The following ODF4 variants were observed in gnomAD, a reference collection of about 807,000 sequenced individuals.
ODF4 encodes outer dense fiber of sperm tails 4.
A neutral mutation model predicts 17.0 loss-of-function variants in ODF4; 11 were observed. That is an observed-to-expected ratio of 0.65 (90% confidence interval 0.41 to 1.07). The LOEUF (loss-of-function observed/expected upper bound fraction) is 1.07. ODF4 is among the 50% of genes least tolerant of loss of function. The pLI is 0.00. For missense variants in ODF4, 281 were observed against 310.2 expected, an observed-to-expected ratio of 0.91 and a Z score of 0.71; for synonymous variants, 127 against 121.8, an observed-to-expected ratio of 1.04 and a Z score of -0.28.
chr17:8,341,051 G>A (rs1042023760), intron 1 of ODF4, among the ~76,000 whole-genome samples: 111 of 152,186 alleles, frequency 7.3e-4, no homozygotes, highest in African/African-American at 2.6e-3. Flanking sequence ...TTAGCCAGGC[G>A]TGGTGGCACA....
Position 8,345,625 on chromosome 17 carries a change from C to T in ODF4, c.590-43C>T, listed in dbSNP as rs540329244. ...TCTCACCCTACTTGTCACTTAACCTCCCAGTCACAACTTTCCTCTCCCCTG... is the reference window on the plus strand; with the variant it reads ...TCTCACCCTACTTGTCACTTAACCTTCCAGTCACAACTTTCCTCTCCCCTG... On this transcript the variant is annotated intron_variant, in intron 2 of 2. Transcript: ENST00000328248. The surrounding 1 kb of genome is among the most constrained non-coding windows in gnomAD (Gnocchi z 4.1). The T allele has an allele frequency of 6.3e-7, 1 of 1,578,194 alleles. No individual in the cohort carries two copies. Among genetic ancestry groups the T allele is most frequent in the South Asian group, 1.1e-5 (1 of 89,290 alleles).
chr17:8,345,155 A>C lies in ODF4; in HGVS notation c.455-188A>C. On this transcript the variant is annotated intron_variant, in intron 1 of 2. Coordinates refer to ENST00000328248, the MANE Select transcript of ODF4 (RefSeq NM_153007.5). The surrounding 1 kb of genome is among the most constrained non-coding windows in gnomAD (Gnocchi z 4.1). ...GTTTTGTGGGTGGTGGGAGAACAGA[A>C]CCGAGAATCGAGTTACATCATTTCT... The C allele has an allele frequency of 1.2e-6, 1 of 805,632 alleles. No homozygotes were observed. The highest frequency in any genetic ancestry group is 2.6e-5 in the East Asian group (1 of 38,782). 49.9% of individuals were successfully genotyped at this position (805,632 alleles called of 1,614,324 possible). A position where few individuals can be genotyped will look rare whatever the true frequency, so the allele number is the denominator to read the frequency against.
chr17:8,341,156 C>T (rs1878768506), intron 1 of ODF4, among the ~76,000 whole-genome samples: 1 of 151,378 alleles, frequency 6.6e-6, no homozygotes, highest in South Asian at 2.1e-4. Flanking sequence ...CACCATTGCA[C>T]TCCAGCCTGG....
chr17:8,343,302 T>C (rs557162686), intron 1 of ODF4, among the ~76,000 whole-genome samples: 1 of 147,098 alleles, frequency 6.8e-6, no homozygotes. Flanking sequence ...TGGCTAATTT[T>C]TGTATTTTTA....
Position 8,339,871 on chromosome 17 carries a change from G to T in ODF4, c.-181G>T. 2.3e-6 allele frequency: 1 copy of T among 436,266 alleles called. No individual in the cohort carries two copies. The highest frequency in any genetic ancestry group is 4.0e-6 in the Non-Finnish European group (1 of 250,472). 27.0% of individuals were successfully genotyped at this position (436,266 alleles called of 1,614,324 possible). A position where few individuals can be genotyped will look rare whatever the true frequency, so the allele number is the denominator to read the frequency against. On this transcript the variant is annotated 5_prime_UTR_variant, in exon 1 of 3. Transcript: ENST00000328248. Reference sequence around the variant, plus strand: ...GTTAGGGGACCTGGCCTGCTGAATGGGTTGGGGCCTTCTCTTGGATCAAGA... The same window carrying T: ...GTTAGGGGACCTGGCCTGCTGAATGTGTTGGGGCCTTCTCTTGGATCAAGA...
Position 8,339,915 on chromosome 17 carries a change from G to T in ODF4, c.-137G>T, listed in dbSNP as rs1291990491. ...ATCAAGAGTCTCTTATTTGATCGAG[G>T]TCTGTTATTAGACTTCCTCATTCTT... is the stretch of plus-strand genomic sequence containing the variant. On this transcript the variant is annotated 5_prime_UTR_variant, in exon 1 of 3. Transcript: ENST00000328248. The T allele has an allele frequency of 3.7e-6, 2 of 537,566 alleles. No homozygotes were observed. Among genetic ancestry groups the T allele is most frequent in the South Asian group, 3.7e-5 (1 of 26,828 alleles). 33.3% of individuals were successfully genotyped at this position (537,566 alleles called of 1,614,324 possible). A position where few individuals can be genotyped will look rare whatever the true frequency, so the allele number is the denominator to read the frequency against.
chr17:8,344,792 T>G, intron 1 of ODF4: 1 of 872,714 alleles, frequency 1.1e-6, no homozygotes, highest in Non-Finnish European at 1.4e-6. Context: ...TGGCGGTACA[T>G]TTTCTTGTAT....
Position 8,340,382 on chromosome 17 carries a change from C to T in ODF4, c.331C>T (p.Leu111Phe). The T allele has an allele frequency of 6.2e-7, 1 of 1,613,560 alleles. No homozygotes were observed. Among genetic ancestry groups the T allele is most frequent in the South Asian group, 1.1e-5 (1 of 90,998 alleles). The change falls in exon 1 of 3, where the codon CTC becomes TTC. Residue 111 changes from leucine to phenylalanine, a missense_variant. By Grantham distance (22) the Leu-to-Phe change is conservative. Coordinates refer to ENST00000328248, the MANE Select transcript of ODF4 (RefSeq NM_153007.5). ...GAAATGGCTGGACCTCTCTAGGAGC[C>T]TCTTCTACCAGCGCTGGCCCGTGGA... Reference protein sequence around the residue: ...SKKWLDLSRSLFYQRWPVDVS... With the variant: ...SKKWLDLSRSFFYQRWPVDVS...
chr17:8,345,097 C>T lies in ODF4; in HGVS notation c.455-246C>T. On this transcript the variant is annotated intron_variant, in intron 1 of 2. Coordinates refer to ENST00000328248, the MANE Select transcript of ODF4 (RefSeq NM_153007.5). This position sits in a 1 kb window ranked among gnomAD's most constrained non-coding sequence, Gnocchi z 4.1. The stretch of plus-strand genomic sequence containing the variant: ...TTTTCCTAACCCCCATCTTCCTGGG[C>T]ACTTCTCCCTCTTCTTTGGGGGTGG... The T allele has an allele frequency of 1.1e-6, 1 of 892,280 alleles. No individual in the cohort carries two copies. Among genetic ancestry groups the T allele is most frequent in the South Asian group, 2.5e-5 (1 of 40,404 alleles). 55.3% of individuals were successfully genotyped at this position (892,280 alleles called of 1,614,324 possible). A position where few individuals can be genotyped will look rare whatever the true frequency, so the allele number is the denominator to read the frequency against.
At chr17:8,343,108 C>T (rs1387488246) in intron 1 of ODF4, among the ~76,000 whole-genome samples, 1 of 150,982 alleles carries the variant, frequency 6.6e-6, no homozygotes, top group Non-Finnish European at 1.5e-5. Context: ...TTACAAATCT[C>T]TTCTAAATCA....
At position 8,345,256 on chromosome 17, in the gene ODF4, G is replaced by T; in HGVS notation, c.455-87G>T. The T allele has an allele frequency of 8.0e-7, 1 of 1,249,370 alleles. No individual in the cohort carries two copies. The highest frequency in any genetic ancestry group is 1.3e-5 in the South Asian group (1 of 74,194). The allele number at this position is 1,249,370 out of a possible 1,614,324, so 77.4% of individuals were successfully genotyped here. On this transcript the variant is annotated intron_variant, in intron 1 of 2. Transcript: ENST00000328248. The surrounding 1 kb of genome is among the most constrained non-coding windows in gnomAD (Gnocchi z 4.1). Reference sequence around the variant, plus strand: ...CCAGTCACTCTGTGTGTGGTGATGTGGTTTGTGGCTGTAGCCTAGCAGATG... The same window carrying T: ...CCAGTCACTCTGTGTGTGGTGATGTTGTTTGTGGCTGTAGCCTAGCAGATG...
At chr17:8,344,727 T>C in intron 1 of ODF4, 1 of 223,368 alleles carries the variant, frequency 4.5e-6, no homozygotes, top group Non-Finnish European at 7.5e-6. Flanking sequence ...GACCTTGTGA[T>C]CCACCTGCCT....
Position 8,345,690 on chromosome 17 carries a change from TA to T in ODF4, c.616del (p.Ser206ValfsTer5). 6.2e-7 allele frequency: 1 copy of T among 1,614,116 alleles called. No individual in the cohort carries two copies. The highest frequency in any genetic ancestry group is 8.5e-7 in the Non-Finnish European group (1 of 1,180,004). On this transcript the variant is annotated frameshift_variant, in exon 3 of 3. Transcript: ENST00000328248. LOFTEE classifies it low-confidence loss of function (END_TRUNC). The surrounding 1 kb of genome is among the most constrained non-coding windows in gnomAD (Gnocchi z 4.1). Reference protein sequence around the residue: ...TCAILCYFNHKSFWSLILSHP... With the variant: ...TCAILCYFNHXSFWSLILSHP... Reference sequence around the variant, plus strand: ...CAGCGATCCTTTGCTACTTCAACCATAAAAGTTTCTGGAGTCTGATTCTGAG... The same window carrying T: ...CAGCGATCCTTTGCTACTTCAACCATAAAGTTTCTGGAGTCTGATTCTGAG...
At chr17:8,344,979 T>G in intron 1 of ODF4, 2 of 1,029,512 alleles carry the variant, frequency 1.9e-6, no homozygotes, top group Non-Finnish European at 2.3e-6. Context: ...GCACCTGCCC[T>G]ACCTGCCCGC....
intron 1 of ODF4, among the ~76,000 whole-genome samples, chr17:8,342,402 C>T (rs1389898628): frequency 6.6e-6 from 1 of 152,092 alleles, no homozygotes; most frequent in Non-Finnish European, 1.5e-5. Flanking sequence ...ACCACCATGC[C>T]CAGCTAATTT....
At chr17:8,343,866 T>C (rs1057022103) in intron 1 of ODF4, among the ~76,000 whole-genome samples, 1 of 115,114 alleles carries the variant, frequency 8.7e-6, no homozygotes, top group Admixed American at 8.7e-5. Context: ...ATATATAGAC[T>C]GCAACCTCAG....
rs1906036218 is a variant in ODF4, at chr17:8,341,892, C to T, written c.454+1387C>T. Among the ~76,000 whole-genome samples, 3 of 151,854 alleles carry T rather than the reference C, an allele frequency of 2.0e-5. No homozygotes were observed. The South Asian group carries it at 6.2e-4, about 32-fold the overall frequency. On this transcript the variant is annotated intron_variant, in intron 1 of 2. Transcript: ENST00000328248. ...GAAAGCATTATGAAAATATTATGTC[C>T]TTATTATAATAAATTTGGGGAAACA...
chr17:8,342,369 A>G (rs1906056625), intron 1 of ODF4, among the ~76,000 whole-genome samples: 1 of 151,982 alleles, frequency 6.6e-6, no homozygotes, highest in Non-Finnish European at 1.5e-5. Flanking sequence ...CAGCCTCCCA[A>G]GTAGATGGGA....
At chr17:8,343,721 G>T (rs548524177) in intron 1 of ODF4, among the ~76,000 whole-genome samples, 1 of 125,618 alleles carries the variant, frequency 8.0e-6, no homozygotes, top group East Asian at 2.3e-4. Flanking sequence ...TCACCATGTT[G>T]GTCAGGATGG....
Sources: gnomAD v4.1 joint callset for allele counts (sites outside exome capture counted in the v4.1 genomes callset) on GRCh38, gnomAD v4.1.1 for gene constraint, Gnocchi (gnomAD v3.1) non-coding constraint, MANE v1.5 for transcripts, NCBI Gene and HGNC (gene_info 2026-07-23, HGNC 2026-07-21) for gene names.